CUBN: variants seen among roughly 807,000 people sequenced by gnomAD.
CUBN encodes 460 kDa receptor.
CUBN carries 282 observed loss-of-function variants against 405.3 expected under a neutral mutation model. The ratio of observed to expected loss-of-function variants is 0.70; its 90% confidence interval spans 0.63 to 0.77. The LOEUF is 0.77. CUBN is among the 30% of genes least tolerant of loss of function. The probability of loss-of-function intolerance (pLI) is 0.00; values close to 1 mark genes in which losing one functional copy is unlikely to be tolerated. For missense variants in CUBN, 4,514 were observed against 4,475.2 expected (o/e 1.01, Z -0.25); for synonymous variants, 1,684 against 1,617.0 (o/e 1.04, Z -0.99).
At chr10:16,987,422 ATC>A (rs1214458921) in intron 29 of CUBN, among the ~76,000 whole-genome samples, 1 of 152,230 alleles carries the variant, frequency 6.6e-6, no homozygotes, top group East Asian at 1.9e-4. Context: ...TATGGTTTTA[ATC>A]TGTTTTGAAC....
intron 17 of CUBN, among the ~76,000 whole-genome samples, chr10:17,080,405 A>G (rs1588629295): frequency 6.6e-6 from 1 of 152,296 alleles, no homozygotes; most frequent in Middle Eastern, 3.4e-3. Context: ...ATAAAATTCA[A>G]TGTAAATTAC....
chr10:16,865,659 G>A (rs1403330696), intron 59 of CUBN, among the ~76,000 whole-genome samples: 1 of 152,090 alleles, frequency 6.6e-6, no homozygotes, highest in African/African-American at 2.4e-5. Flanking sequence ...GCACCAATCA[G>A]CAGGATCCTA....
intron 61 of CUBN, 32 bp downstream of exon 61, chr10:16,840,853 C>T: frequency 2.6e-6 from 4 of 1,563,112 alleles, no homozygotes; most frequent in African/African-American, 1.4e-5. Flanking sequence ...ATGTGTATTT[C>T]ATAACATATA....
intron 31 of CUBN, among the ~76,000 whole-genome samples, chr10:16,961,143 C>T (rs979605039): frequency 6.6e-6 from 1 of 152,020 alleles, no homozygotes; most frequent in Non-Finnish European, 1.5e-5. Flanking sequence ...GGTGTGACAG[C>T]TCACTGCAGC....
chr10:17,123,651 C>G lies in CUBN; in HGVS notation c.426G>C (p.Gln142His). 1 of 1,614,070 alleles carries G rather than the reference C, an allele frequency of 6.2e-7. No homozygotes were observed. Among genetic ancestry groups the G allele is most frequent in the Non-Finnish European group, 8.5e-7 (1 of 1,179,998 alleles). The stretch of plus-strand genomic sequence containing the variant: ...GCAGATTGAGGCAGGTTCCACCATT[C>G]TGGCAAGGATTGCTGCTGCAAACCT... ...DKKVCSSNPC[Q>H]NGGTCLNLHD... The change falls in exon 5 of 67, where the codon CAG (glutamine) becomes CAC (histidine). Residue 142 changes from glutamine to histidine, a missense_variant. Coordinates refer to ENST00000377833, the MANE Select transcript of CUBN (RefSeq NM_001081.4).
At chr10:16,903,653 TAATA>T (rs1292495472) in intron 51 of CUBN, among the ~76,000 whole-genome samples, 9 of 145,888 alleles carry the variant, frequency 6.2e-5, no homozygotes, top group South Asian at 2.1e-4. Context: ...TAATTATTAT[TAATA>T]ATTATTTATT....
chr10:17,070,070 G>A (rs1300594351), intron 19 of CUBN, among the ~76,000 whole-genome samples: 1 of 152,018 alleles, frequency 6.6e-6, no homozygotes, highest in East Asian at 1.9e-4. Context: ...TATAAGGAAG[G>A]GGTCCAGCAC....
intron 4 of CUBN, 57 bp downstream of exon 4, chr10:17,126,704 A>G (rs1837199281): frequency 6.5e-7 from 1 of 1,546,378 alleles, no homozygotes; most frequent in East Asian, 2.2e-5. Context: ...CAGCTCTATT[A>G]ATGATTCTAG....
chr10:16,973,382 T>C (rs539430810), intron 31 of CUBN, among the ~76,000 whole-genome samples: 1 of 152,328 alleles, frequency 6.6e-6, no homozygotes, highest in Non-Finnish European at 1.5e-5. Flanking sequence ...CTAGATATGC[T>C]AAATCCTAGG....
At chr10:16,876,788 A>C (rs1052027871) in intron 57 of CUBN, 109 bp downstream of exon 57, 20 of 969,778 alleles carry the variant, frequency 2.1e-5, no homozygotes, top group African/African-American at 4.8e-5. Context: ...TTTTTCCCTT[A>C]AATTCTCTGA....
intron 45 of CUBN, among the ~76,000 whole-genome samples, chr10:16,917,737 A>G (rs1171329196): frequency 6.6e-6 from 1 of 152,210 alleles, no homozygotes; most frequent in Non-Finnish European, 1.5e-5. Context: ...GAGAAATTAA[A>G]GTTGATTAAT....
chr10:17,015,555 A>T (rs7071874), intron 28 of CUBN, among the ~76,000 whole-genome samples: 18 of 151,970 alleles, frequency 1.2e-4, no homozygotes, highest in African/African-American at 3.6e-4. Context: ...ATTAACACTG[A>T]GAAGGCCATG....
intron 22 of CUBN, among the ~76,000 whole-genome samples, chr10:17,051,534 T>C (rs932496491): frequency 1.3e-5 from 2 of 152,034 alleles, no homozygotes; most frequent in African/African-American, 4.8e-5. Flanking sequence ...TAAAAATATG[T>C]GCAAAGACTT....
At chr10:16,827,022 C>T (rs1332264784) in intron 66 of CUBN, among the ~76,000 whole-genome samples, 2 of 152,160 alleles carry the variant, frequency 1.3e-5, no homozygotes, top group African/African-American at 4.8e-5. Flanking sequence ...ACTGGGGTCT[C>T]TCTCTCTGTG....
chr10:17,119,763 G>A (rs1158245131), intron 6 of CUBN, among the ~76,000 whole-genome samples: 2 of 152,208 alleles, frequency 1.3e-5, no homozygotes, highest in Non-Finnish European at 2.9e-5. Flanking sequence ...ATGTAATTGT[G>A]TTAGTTGTCT....
At chr10:17,064,368 C>G (rs1322315828) in intron 22 of CUBN, among the ~76,000 whole-genome samples, 1 of 152,064 alleles carries the variant, frequency 6.6e-6, no homozygotes, top group Non-Finnish European at 1.5e-5. Flanking sequence ...GATGTTTAAA[C>G]TTTTATTTAT....
At chr10:17,053,952 T>C (rs1835327555) in intron 22 of CUBN, among the ~76,000 whole-genome samples, 1 of 152,078 alleles carries the variant, frequency 6.6e-6, no homozygotes, top group South Asian at 2.1e-4. Flanking sequence ...AAATAATACA[T>C]TTGCAAATAA....
At chr10:16,914,122 G>T in intron 47 of CUBN, 130 bp from the exon 48 acceptor site, 1 of 971,336 alleles carries the variant, frequency 1.0e-6, no homozygotes, top group Non-Finnish European at 1.6e-6. Context: ...ATTTATTTAT[G>T]TGCATGAGGA....
intron 26 of CUBN, among the ~76,000 whole-genome samples, chr10:17,042,225 C>A (rs57819578): frequency 0.021 from 3,263 of 152,194 alleles, 128 homozygotes; most frequent in African/African-American, 0.074. Context: ...CTTTAGGTCA[C>A]AGTTTTGTCC....
Sources: gnomAD v4.1 joint callset for allele counts (sites outside exome capture counted in the v4.1 genomes callset) on GRCh38, gnomAD v4.1.1 for gene constraint, MANE v1.5 for transcripts, NCBI Gene and HGNC (gene_info 2026-07-23, HGNC 2026-07-21) for gene names.